CORO2B: variants seen among roughly 807,000 people sequenced by gnomAD.
CORO2B encodes coronin 2B, also known as coronin-2B.
A neutral mutation model predicts 58.8 loss-of-function variants in CORO2B; 26 were observed. The observed-to-expected ratio is 0.44, with a 90% CI of 0.32 to 0.61. The LOEUF (loss-of-function observed/expected upper bound fraction) is 0.61, where lower values mean the gene tolerates loss of function less well. Among genes scored for constraint, CORO2B ranks in the 20% least tolerant of loss-of-function variants. The pLI is 0.04. For missense variants in CORO2B, 460 were observed against 645.1 expected (o/e 0.71, Z 3.11); for synonymous variants, 242 against 253.8 (o/e 0.95, Z 0.44).
chr15:68,586,461 A>G (rs1271555311), intron 1 of CORO2B, among the ~76,000 whole-genome samples: 1 of 152,164 alleles, frequency 6.6e-6, no homozygotes, highest in Admixed American at 6.5e-5. Flanking sequence ...CCGGGGATGA[A>G]TGGGCAAACG....
chr15:68,531,974 T>C, the CORO2B span, among the ~76,000 whole-genome samples: 1 of 152,238 alleles, frequency 6.6e-6, no homozygotes, highest in East Asian at 1.9e-4. Context: ...TTTTAGCACC[T>C]TAAAAATGTC....
rs138951312 is a variant in CORO2B at position 68,624,425 on chromosome 15, G to A, written c.16-20735G>A. On this transcript the variant is annotated intron_variant, in intron 1 of 11. Transcript: ENST00000261861. Reference sequence around the variant, plus strand: ...TGATATTAGAATCAACAGTGAGCACGACTACCAACACAAATAACAATCGTG... The same window carrying A: ...TGATATTAGAATCAACAGTGAGCACAACTACCAACACAAATAACAATCGTG... 6.7e-4 allele frequency among the ~76,000 whole-genome samples: 102 copies of A among 152,236 alleles called. 1 individual carries two copies. In the East Asian group the frequency reaches 0.018, roughly 27 times the overall value.
rs907276860 is a variant in CORO2B at position 68,645,876 on chromosome 15, C to T, written c.216+516C>T. Among the ~76,000 whole-genome samples the T allele has an allele frequency of 5.9e-5, 9 of 152,130 alleles. No individual in the cohort carries two copies. Among genetic ancestry groups the T allele is most frequent in the East Asian group, 5.8e-4 (3 of 5,176 alleles). ...GCAACCTCTGCCTCCCAGGTTCAAGCGATTCTCCTGCCTCAGCCTCCCGAG... is the reference window on the plus strand; with the variant it reads ...GCAACCTCTGCCTCCCAGGTTCAAGTGATTCTCCTGCCTCAGCCTCCCGAG... On this transcript the variant is annotated intron_variant, in intron 2 of 11. Transcript: ENST00000261861. The surrounding 1 kb of genome is among the most constrained non-coding windows in gnomAD (Gnocchi z 4.5).
At chr15:68,603,553 C>T (rs573388242) in intron 1 of CORO2B, among the ~76,000 whole-genome samples, 3 of 152,022 alleles carry the variant, frequency 2.0e-5, no homozygotes, top group South Asian at 2.1e-4. Flanking sequence ...GAAGCCCTAA[C>T]CCCCAGTGTG....
intron 2 of CORO2B, among the ~76,000 whole-genome samples, chr15:68,678,832 C>T (rs1035069369): frequency 4.5e-4 from 69 of 152,318 alleles, no homozygotes; most frequent in African/African-American, 1.6e-3. Flanking sequence ...CATTGCCGGT[C>T]CTCCAGTGCT....
intron 2 of CORO2B, among the ~76,000 whole-genome samples, chr15:68,681,778 G>T (rs1902797194): frequency 6.6e-6 from 1 of 152,144 alleles, no homozygotes; most frequent in Admixed American, 6.5e-5. Flanking sequence ...CCAAATCTCT[G>T]TCTCTAGGTC....
intron 2 of CORO2B, among the ~76,000 whole-genome samples, chr15:68,658,463 A>G (rs1457181802): frequency 3.3e-5 from 5 of 152,246 alleles, no homozygotes; most frequent in African/African-American, 1.2e-4. Context: ...CAACCTGGGT[A>G]GAAGCGGGAG....
chr15:68,642,408 C>G (rs1257819327), intron 1 of CORO2B, among the ~76,000 whole-genome samples: 3 of 152,116 alleles, frequency 2.0e-5, no homozygotes, highest in Non-Finnish European at 2.9e-5. Flanking sequence ...AGAAACAGGC[C>G]TTGTGCAGAC....
At chr15:68,553,029 C>T in the CORO2B span, among the ~76,000 whole-genome samples, 4 of 152,310 alleles carry the variant, frequency 2.6e-5, no homozygotes, top group South Asian at 2.1e-4. Flanking sequence ...CGCCAGGCCC[C>T]GGAAACATGG....
chr15:68,630,422 GT>G (rs11381045), intron 1 of CORO2B, among the ~76,000 whole-genome samples: 14 of 149,758 alleles, frequency 9.3e-5, no homozygotes, highest in East Asian at 3.9e-4. Flanking sequence ...GAAATGAAAT[GT>G]TTTTTTTTTG....
chr15:68,706,727 AG>A (rs1377724814), intron 3 of CORO2B, among the ~76,000 whole-genome samples: 1 of 151,202 alleles, frequency 6.6e-6, no homozygotes, highest in Non-Finnish European at 1.5e-5. Flanking sequence ...CTTTTTTTTT[AG>A]AGACAGGGTC....
intron 2 of CORO2B, among the ~76,000 whole-genome samples, chr15:68,685,479 T>C (rs1362453161): frequency 1.3e-5 from 2 of 152,234 alleles, no homozygotes; most frequent in Non-Finnish European, 2.9e-5. Flanking sequence ...CCCAAAGTGC[T>C]GGGATTACAG....
At chr15:68,632,409 A>T in intron 1 of CORO2B, 1 of 985,248 alleles carries the variant, frequency 1.0e-6, no homozygotes, top group Non-Finnish European at 1.2e-6. Flanking sequence ...GCCAGACAGG[A>T]CTCTTCATTT....
At chr15:68,547,772 A>G in the CORO2B span, among the ~76,000 whole-genome samples, 7 of 152,368 alleles carry the variant, frequency 4.6e-5, no homozygotes, top group Admixed American at 1.3e-4. Context: ...TTTAAAAATT[A>G]CTTTACATAC....
intron 6 of CORO2B, 110 bp from the exon 7 acceptor site, chr15:68,714,449 G>T (rs558881392): frequency 2.5e-6 from 2 of 808,090 alleles, no homozygotes; most frequent in Non-Finnish European, 4.2e-6. Context: ...TTAACATCTA[G>T]GGGAGGTCTT....
intron 1 of CORO2B, among the ~76,000 whole-genome samples, chr15:68,629,822 GTGTGTGTGTGTGTGTGTC>G (rs1384956373): frequency 6.6e-6 from 1 of 151,406 alleles, no homozygotes; most frequent in Non-Finnish European, 1.5e-5. Context: ...TAACCAGCAT[GTGTGTGTGTGTGTGTGTC>G]TGTGTGTGTG....
At chr15:68,523,460 G>C in the CORO2B span, among the ~76,000 whole-genome samples, 3 of 152,216 alleles carry the variant, frequency 2.0e-5, no homozygotes, top group Non-Finnish European at 4.4e-5. Flanking sequence ...GCCTCCCAAA[G>C]TGCTGGGACT....
the CORO2B span, among the ~76,000 whole-genome samples, chr15:68,565,530 AAT>A: frequency 1.4e-4 from 21 of 149,482 alleles, no homozygotes; most frequent in South Asian, 2.1e-4. Context: ...AATAAAAATA[AAT>A]ATATATATAT....
At chr15:68,554,339 T>TACCCAAGCTCTGCTGAGG in the CORO2B span, among the ~76,000 whole-genome samples, 33 of 152,210 alleles carry the variant, frequency 2.2e-4, no homozygotes, top group South Asian at 4.1e-4. Flanking sequence ...GCAGATTTCC[T>TACCCAAGCTCTGCTGAGG]ACCCAAGCTC....
Sources: gnomAD v4.1 joint callset for allele counts (sites outside exome capture counted in the v4.1 genomes callset) on GRCh38, gnomAD v4.1.1 for gene constraint, Gnocchi (gnomAD v3.1) non-coding constraint, MANE v1.5 for transcripts, NCBI Gene and HGNC (gene_info 2026-07-23, HGNC 2026-07-21) for gene names.